The following SNTG2 variants were observed in gnomAD, a reference collection of about 807,000 sequenced individuals.
SNTG2 encodes syntrophin gamma 2.
In SNTG2, 74 loss-of-function variants were observed where a neutral mutation model predicts 70.9. The ratio of observed to expected loss-of-function variants is 1.04; its 90% CI spans 0.86 to 1.27. SNTG2 has a LOEUF of 1.27. Among genes scored for constraint, SNTG2 ranks in the 50% most tolerant of loss-of-function variants. SNTG2 has a pLI of 0.00. For missense variants in SNTG2, 717 were observed against 690.7 expected (o/e 1.04, Z -0.43); for synonymous variants, 278 against 273.8 (o/e 1.02, Z -0.15).
At chr2:974,499 C>T (rs1410620528) in intron 1 of SNTG2, among the ~76,000 whole-genome samples, 2 of 152,294 alleles carry the variant, frequency 1.3e-5, no homozygotes, top group East Asian at 3.9e-4. Flanking sequence ...GTGACCCCTG[C>T]ATGCAGGAGC....
chr2:1,208,552 G>A (rs1236030003), intron 8 of SNTG2, among the ~76,000 whole-genome samples: 17 of 152,104 alleles, frequency 1.1e-4, no homozygotes, highest in Admixed American at 5.9e-4. Context: ...TGGTTGCATG[G>A]CTCCTTCACC....
intron 4 of SNTG2, among the ~76,000 whole-genome samples, chr2:1,134,616 A>G (rs1668244383): frequency 1.3e-5 from 2 of 152,146 alleles, no homozygotes; most frequent in African/African-American, 4.8e-5. Context: ...AGCTAGACAT[A>G]AAGGTTCTCC....
At chr2:965,574 TCCTCC>T (rs375618189) in intron 1 of SNTG2, among the ~76,000 whole-genome samples, 1 of 145,522 alleles carries the variant, frequency 6.9e-6, no homozygotes, top group South Asian at 2.1e-4. Flanking sequence ...TGTGGTCCCC[TCCTCC>T]TCTGTGGCCC....
intron 9 of SNTG2, among the ~76,000 whole-genome samples, chr2:1,233,308 G>T (rs577295120): frequency 6.6e-6 from 1 of 152,138 alleles, no homozygotes; most frequent in Non-Finnish European, 1.5e-5. Context: ...TCGGTTTGGG[G>T]CTTTAATGAC....
At chr2:1,120,335 TATCA>T (rs1398241180) in intron 4 of SNTG2, among the ~76,000 whole-genome samples, 4 of 151,854 alleles carry the variant, frequency 2.6e-5, no homozygotes, top group African/African-American at 9.7e-5. Flanking sequence ...ATTCCTTATC[TATCA>T]ATCACCTTGA....
chr2:1,070,046 G>T (rs913065235), intron 1 of SNTG2, among the ~76,000 whole-genome samples: 7 of 152,050 alleles, frequency 4.6e-5, no homozygotes, highest in Non-Finnish European at 5.9e-5. Context: ...GTGTGCAGGG[G>T]GATGGAGCAA....
intron 6 of SNTG2, among the ~76,000 whole-genome samples, chr2:1,162,499 C>T (rs183506124): frequency 4.9e-4 from 75 of 152,276 alleles, no homozygotes; most frequent in African/African-American, 1.8e-3. Flanking sequence ...GCACTGAGCT[C>T]CCGGGACAAC....
At chr2:1,046,194 G>T (rs1454255331) in intron 1 of SNTG2, among the ~76,000 whole-genome samples, 1 of 151,962 alleles carries the variant, frequency 6.6e-6, no homozygotes, top group African/African-American at 2.4e-5. Flanking sequence ...AGAAAACCCT[G>T]CTGTTTTCTG....
intron 16 of SNTG2, among the ~76,000 whole-genome samples, chr2:1,337,197 G>A (rs574215460): frequency 6.6e-6 from 1 of 152,054 alleles, no homozygotes; most frequent in Non-Finnish European, 1.5e-5. Flanking sequence ...AAATTATTCG[G>A]GTATTGAACA....
chr2:1,193,657 C>T lies in SNTG2; in HGVS notation c.592-15446C>T, dbSNP rs1300489159. On this transcript the variant is annotated intron_variant, in intron 8 of 16. Transcript: ENST00000308624. ...TTGGACATGGGTTTCCATTTCTTTT[C>T]AGCCATAAAGAAGAAAGTCCTGAGC... 2.0e-5 allele frequency among the ~76,000 whole-genome samples: 3 copies of T among 152,078 alleles called. No individual in the cohort carries two copies. In the East Asian group the frequency reaches 5.8e-4, roughly 29 times the overall value.
At chr2:1,207,634 CTCTT>C (rs1219310901) in intron 8 of SNTG2, among the ~76,000 whole-genome samples, 2 of 152,234 alleles carry the variant, frequency 1.3e-5, no homozygotes, top group Admixed American at 6.5e-5. Context: ...AAATCACACA[CTCTT>C]TCTGTTAAGC....
At chr2:1,111,684 TC>T (rs1173468326) in intron 4 of SNTG2, among the ~76,000 whole-genome samples, 1 of 152,256 alleles carries the variant, frequency 6.6e-6, no homozygotes, top group Non-Finnish European at 1.5e-5. Flanking sequence ...AATTTAGATT[TC>T]CCTGTTATCA....
At chr2:1,225,298 G>A (rs1048830474) in intron 9 of SNTG2, among the ~76,000 whole-genome samples, 2 of 152,142 alleles carry the variant, frequency 1.3e-5, no homozygotes, top group Admixed American at 6.5e-5. Context: ...GTGCCAGCTG[G>A]TTCTTTTTAT....
chr2:1,361,219 G>T (rs1286386543), intron 16 of SNTG2, among the ~76,000 whole-genome samples: 1 of 152,174 alleles, frequency 6.6e-6, no homozygotes, highest in East Asian at 1.9e-4. Context: ...GTTACAGCCT[G>T]TGACATTATG....
chr2:985,424 T>C (rs978502444), intron 1 of SNTG2, among the ~76,000 whole-genome samples: 1 of 152,008 alleles, frequency 6.6e-6, no homozygotes, highest in Non-Finnish European at 1.5e-5. Flanking sequence ...TTTTCTTTCC[T>C]AGGAAGTGGA....
intron 7 of SNTG2, among the ~76,000 whole-genome samples, chr2:1,169,796 A>T (rs1388790300): frequency 6.6e-6 from 1 of 152,182 alleles, no homozygotes; most frequent in East Asian, 1.9e-4. Context: ...GTCCTCGGGC[A>T]CATGCAGGAA....
chr2:1,106,077 C>G lies in SNTG2; in HGVS notation c.325+7667C>G, dbSNP rs374342499. Among the ~76,000 whole-genome samples the G allele has an allele frequency of 6.8e-3, 635 of 93,214 alleles. 5 individuals carry two copies. The highest frequency in any genetic ancestry group is 0.027 in the African/African-American group (555 of 20,928). 61.2% of individuals were successfully genotyped at this position (93,214 alleles called of 152,430 possible). A position where few individuals can be genotyped will look rare whatever the true frequency, so the allele number is the denominator to read the frequency against. On this transcript the variant is annotated intron_variant, in intron 4 of 16. Transcript: ENST00000308624. ...AGAGCTCCTTGGTAATAGTGGACACCTGCTGTCACTCGGGTGCAGGGTATG... is the reference window on the plus strand; with the variant it reads ...AGAGCTCCTTGGTAATAGTGGACACGTGCTGTCACTCGGGTGCAGGGTATG...
At chr2:1,085,927 A>G (rs1278669280) in intron 2 of SNTG2, among the ~76,000 whole-genome samples, 1 of 152,256 alleles carries the variant, frequency 6.6e-6, no homozygotes, top group East Asian at 1.9e-4. Flanking sequence ...GCTGTATATT[A>G]CACTTGTTAT....
At chr2:1,320,403 G>T (rs1364814511) in intron 16 of SNTG2, among the ~76,000 whole-genome samples, 1 of 151,676 alleles carries the variant, frequency 6.6e-6, no homozygotes, top group Non-Finnish European at 1.5e-5. Context: ...CTGGTTGCGG[G>T]CACCTGTAGT....
Sources: allele counts gnomAD v4.1 joint callset (sites outside exome capture counted in the v4.1 genomes callset), GRCh38; gene constraint gnomAD v4.1.1; transcripts MANE v1.5; gene names NCBI Gene and HGNC (gene_info 2026-07-23, HGNC 2026-07-21).